NAALADL2: variants seen among roughly 807,000 people sequenced by gnomAD.
NAALADL2 encodes N-acetylated alpha-linked acidic dipeptidase like 2, also known as inactive N-acetylated-alpha-linked acidic dipeptidase-like protein 2.
NAALADL2 carries 76 observed loss-of-function variants against 87.2 expected under a neutral mutation model. The ratio of observed to expected loss-of-function variants is 0.87; its 90% confidence interval spans 0.72 to 1.05. NAALADL2 has a LOEUF of 1.05. Among genes scored for constraint, NAALADL2 ranks in the 50% least tolerant of loss-of-function variants. The pLI is 0.00. For missense variants in NAALADL2, 1,089 were observed against 945.8 expected (o/e 1.15, Z -1.99); for synonymous variants, 354 against 331.0 (o/e 1.07, Z -0.75).
intron 2 of NAALADL2, among the ~76,000 whole-genome samples, chr3:175,214,483 C>T (rs917489634): frequency 6.6e-6 from 1 of 152,122 alleles, no homozygotes; most frequent in African/African-American, 2.4e-5. Context: ...ATGTCAGTTA[C>T]TGATTTGATT....
intron 3 of NAALADL2, among the ~76,000 whole-genome samples, chr3:174,761,679 A>ATATG (rs1712982143): frequency 6.6e-6 from 1 of 152,034 alleles, no homozygotes; most frequent in African/African-American, 2.4e-5. Flanking sequence ...GGTTTGTTAC[A>ATATG]TATGTATACA....
At chr3:174,548,810 G>T (rs1054863405) in intron 1 of NAALADL2, among the ~76,000 whole-genome samples, 1 of 152,006 alleles carries the variant, frequency 6.6e-6, no homozygotes, top group African/African-American at 2.4e-5. Flanking sequence ...ACTATGAACT[G>T]TCATATGATT....
chr3:175,243,977 T>C (rs896239112), intron 3 of NAALADL2, among the ~76,000 whole-genome samples: 3 of 152,250 alleles, frequency 2.0e-5, no homozygotes, highest in African/African-American at 4.8e-5. Context: ...TGACCTTCCA[T>C]CCTGCTCCTC....
At chr3:175,123,144 T>C (rs550059689) in intron 2 of NAALADL2, among the ~76,000 whole-genome samples, 1 of 152,088 alleles carries the variant, frequency 6.6e-6, no homozygotes, top group African/African-American at 2.4e-5. Context: ...GGAGGGGACA[T>C]TCAAGCCATA....
chr3:175,134,797 A>G (rs1314573182), intron 2 of NAALADL2, among the ~76,000 whole-genome samples: 1 of 152,202 alleles, frequency 6.6e-6, no homozygotes, highest in South Asian at 2.1e-4. Flanking sequence ...AAGTGAGACC[A>G]TGAATACCTG....
At chr3:174,929,565 T>G (rs193055541) in intron 1 of NAALADL2, among the ~76,000 whole-genome samples, 1 of 152,264 alleles carries the variant, frequency 6.6e-6, no homozygotes, top group Admixed American at 6.5e-5. Flanking sequence ...TATAATTATA[T>G]GCTATGATAC....
intron 2 of NAALADL2, among the ~76,000 whole-genome samples, chr3:175,165,327 TCCTGGCC>T (rs1161586662): frequency 6.6e-5 from 10 of 152,152 alleles, no homozygotes; most frequent in African/African-American, 2.4e-4. Context: ...CTCACAGGAT[TCCTGGCC>T]CCAAATGAAT....
intron 2 of NAALADL2, among the ~76,000 whole-genome samples, chr3:175,113,923 A>G (rs1467616141): frequency 6.6e-6 from 1 of 151,634 alleles, no homozygotes; most frequent in African/African-American, 2.4e-5. Context: ...GATAGTCTTG[A>G]AGAAAGGTAG....
chr3:175,256,622 T>C (rs1749992602), intron 4 of NAALADL2, 92 bp downstream of exon 4: 2 of 1,201,278 alleles, frequency 1.7e-6, no homozygotes, highest in Non-Finnish European at 2.3e-6. Flanking sequence ...AGTGTGTGTG[T>C]GCATATAGGT....
At chr3:174,927,161 T>G (rs1007408802) in intron 1 of NAALADL2, among the ~76,000 whole-genome samples, 1 of 152,056 alleles carries the variant, frequency 6.6e-6, no homozygotes, top group Admixed American at 6.5e-5. Context: ...GAGCTAACTA[T>G]CGTAATTATA....
At chr3:175,451,720 T>C (rs555216910) in intron 6 of NAALADL2, among the ~76,000 whole-genome samples, 32 of 152,266 alleles carry the variant, frequency 2.1e-4, no homozygotes, top group African/African-American at 7.7e-4. Context: ...TTAAAACTTA[T>C]CAGTGATGAC....
intron 10 of NAALADL2, among the ~76,000 whole-genome samples, chr3:175,620,898 G>A (rs376606603): frequency 1.3e-5 from 2 of 152,168 alleles, no homozygotes; most frequent in East Asian, 1.9e-4. Context: ...GCTGCAAAAG[G>A]CGACCTGAAG....
intron 2 of NAALADL2, among the ~76,000 whole-genome samples, chr3:174,644,737 T>C (rs1156707617): frequency 1.3e-5 from 2 of 152,204 alleles, no homozygotes; most frequent in African/African-American, 4.8e-5. Flanking sequence ...TAAAAGATGA[T>C]GAGTATTATC....
chr3:175,354,000 T>C (rs1055901325), intron 5 of NAALADL2, among the ~76,000 whole-genome samples: 6 of 152,188 alleles, frequency 3.9e-5, no homozygotes, highest in African/African-American at 1.4e-4. Flanking sequence ...GAATGAGAAT[T>C]ATGGAGCTAT....
At chr3:175,598,294 G>T (rs113761379) in intron 10 of NAALADL2, among the ~76,000 whole-genome samples, 24 of 151,618 alleles carry the variant, frequency 1.6e-4, no homozygotes, top group African/African-American at 4.8e-4. Flanking sequence ...AAATCTTCCA[G>T]ATAGTAAAGA....
rs561625719 is a variant in NAALADL2, at chr3:175,135,083, G to A, written c.545+37792G>A. 1.2e-3 allele frequency among the ~76,000 whole-genome samples: 176 copies of A among 152,168 alleles called. 3 individuals carry two copies. The South Asian group carries it at 0.016, about 14-fold the overall frequency. ...TATAGCTCTTTATTAACAAATAGAT[G>A]GCTCCTGTCTGCTACTACTGCAAAT... On this transcript the variant is annotated intron_variant, in intron 2 of 13. Transcript: ENST00000454872.
At chr3:174,513,223 G>A (rs1397440349) in intron 1 of NAALADL2, among the ~76,000 whole-genome samples, 1 of 152,034 alleles carries the variant, frequency 6.6e-6, no homozygotes, top group Non-Finnish European at 1.5e-5. Flanking sequence ...GCCTCCTGAA[G>A]TGCTGGGATT....
intron 2 of NAALADL2, among the ~76,000 whole-genome samples, chr3:174,584,125 A>T (rs1243482649): frequency 1.3e-5 from 2 of 152,180 alleles, no homozygotes; most frequent in Non-Finnish European, 2.9e-5. Context: ...TATAATTCAT[A>T]AGAGAAACCT....
At chr3:174,821,615 G>GA (rs1721429644) in intron 3 of NAALADL2, among the ~76,000 whole-genome samples, 1 of 152,164 alleles carries the variant, frequency 6.6e-6, no homozygotes, top group Admixed American at 6.5e-5. Context: ...GCCTGGAGGA[G>GA]ATTTGGGCAA....
Sources: gnomAD v4.1 joint callset for allele counts (sites outside exome capture counted in the v4.1 genomes callset) on GRCh38, gnomAD v4.1.1 for gene constraint, MANE v1.5 for transcripts, NCBI Gene and HGNC (gene_info 2026-07-23, HGNC 2026-07-21) for gene names.